SDK1: variants seen among roughly 807,000 people sequenced by gnomAD.
The protein encoded by SDK1 is protein sidekick-1.
SDK1 carries 157 observed loss-of-function variants against 245.5 expected under a neutral mutation model. That is an observed-to-expected ratio of 0.64 (90% CI 0.56 to 0.73). SDK1 has a LOEUF of 0.73. Ranked by LOEUF, SDK1 falls within the 30% of genes least tolerant of loss-of-function variation. The probability of loss-of-function intolerance (pLI) is 0.00; values close to 1 mark genes in which losing one functional copy is unlikely to be tolerated. For synonymous variants in SDK1, 1,647 were observed against 1,278.5 expected (o/e 1.29, Z -6.15); for missense variants, 3,583 against 3,002.3 (o/e 1.19, Z -4.52).
intron 5 of SDK1, among the ~76,000 whole-genome samples, chr7:3,890,307 C>T (rs1359236738): frequency 1.3e-5 from 2 of 152,178 alleles, no homozygotes; most frequent in Admixed American, 6.5e-5. Flanking sequence ...CAAATTGATA[C>T]GTGCTATGTG....
At chr7:4,150,283 G>A (rs1304052231) in intron 30 of SDK1, among the ~76,000 whole-genome samples, 1 of 152,178 alleles carries the variant, frequency 6.6e-6, no homozygotes, top group African/African-American at 2.4e-5. Flanking sequence ...CTTCTCATTG[G>A]CCCAGAGTTT....
intron 1 of SDK1, among the ~76,000 whole-genome samples, chr7:3,615,971 A>G (rs567542320): frequency 6.6e-6 from 1 of 151,768 alleles, no homozygotes; most frequent in South Asian, 2.1e-4. Context: ...TGCAGCCTTG[A>G]CTTCCTTGGG....
At chr7:3,535,302 G>T (rs1258510359) in intron 1 of SDK1, among the ~76,000 whole-genome samples, 1 of 152,052 alleles carries the variant, frequency 6.6e-6, no homozygotes, top group East Asian at 1.9e-4. Context: ...AAACTGTTAG[G>T]CTATAAAGAG....
chr7:4,059,648 C>A (rs1246771341), intron 19 of SDK1, among the ~76,000 whole-genome samples: 1 of 152,212 alleles, frequency 6.6e-6, no homozygotes. Flanking sequence ...ACATTCTTTT[C>A]ATCAGTACAT....
At chr7:4,091,938 A>G (rs1781829758) in intron 22 of SDK1, among the ~76,000 whole-genome samples, 1 of 151,968 alleles carries the variant, frequency 6.6e-6, no homozygotes, top group South Asian at 2.1e-4. Context: ...GGCCTTCATC[A>G]CATTCCATGG....
At chr7:3,899,987 CTG>C (rs1315473172) in intron 5 of SDK1, among the ~76,000 whole-genome samples, 5 of 152,222 alleles carry the variant, frequency 3.3e-5, no homozygotes, top group African/African-American at 1.2e-4. Flanking sequence ...AAAATTCTAA[CTG>C]TGAAATATTT....
At chr7:3,945,929 A>C (rs1273297193) in intron 5 of SDK1, among the ~76,000 whole-genome samples, 1 of 142,770 alleles carries the variant, frequency 7.0e-6, no homozygotes, top group African/African-American at 2.6e-5. Flanking sequence ...AAAAAAAAAA[A>C]AAAAGATAAA....
chr7:3,307,143 C>G (rs531841780), intron 1 of SDK1, among the ~76,000 whole-genome samples: 1 of 152,026 alleles, frequency 6.6e-6, no homozygotes, highest in African/African-American at 2.4e-5. Context: ...CCAAAGTAAC[C>G]GAGCATTTTA....
Position 3,679,337 on chromosome 7 carries a change from C to T in SDK1, c.713+37232C>T, listed in dbSNP as rs62437914. 8.9e-3 allele frequency among the ~76,000 whole-genome samples: 1,358 copies of T among 151,956 alleles called. 9 individuals are homozygous for T. Among genetic ancestry groups the T allele is most frequent in the Middle Eastern group, 0.021 (6 of 292 alleles). ...ATCCCAGCACTTTGGGAGGCCGAGG[C>T]GGGTGGATCACGAGGTCGGGAGATC... On this transcript the variant is annotated intron_variant, in intron 4 of 44. Transcript: ENST00000404826.
At chr7:4,228,642 C>T (rs934739981) in intron 40 of SDK1, among the ~76,000 whole-genome samples, 1 of 152,154 alleles carries the variant, frequency 6.6e-6, no homozygotes, top group Admixed American at 6.5e-5. Context: ...CGGGATCAAG[C>T]GATTCTCCTG....
intron 1 of SDK1, among the ~76,000 whole-genome samples, chr7:3,448,602 C>T (rs932038754): frequency 2.6e-5 from 4 of 151,900 alleles, no homozygotes; most frequent in Non-Finnish European, 5.9e-5. Flanking sequence ...ATATAAATAT[C>T]TTTTAATTCA....
chr7:3,586,237 C>T (rs1236536779), intron 1 of SDK1, among the ~76,000 whole-genome samples: 1 of 151,958 alleles, frequency 6.6e-6, no homozygotes, highest in Non-Finnish European at 1.5e-5. Flanking sequence ...TTAAGTCATA[C>T]AAAATGGGCT....
Position 4,155,425 on chromosome 7 carries a change from C to T in SDK1, c.4626-3023C>T, listed in dbSNP as rs151087487. ...CCTGACACGCACTTATGGCACACCA[C>T]GTGTGCCCGGCTCAGTGCCAGACCC... On this transcript the variant is annotated intron_variant, in intron 30 of 44. Coordinates refer to ENST00000404826, the MANE Select transcript of SDK1 (RefSeq NM_152744.4). Among the ~76,000 whole-genome samples, 23 of 152,322 alleles carry T rather than the reference C, an allele frequency of 1.5e-4. No individual in the cohort carries two copies. The East Asian group carries it at 2.5e-3, about 17-fold the overall frequency.
At chr7:4,097,567 A>C (rs1782234979) in intron 22 of SDK1, among the ~76,000 whole-genome samples, 1 of 152,192 alleles carries the variant, frequency 6.6e-6, no homozygotes, top group African/African-American at 2.4e-5. Flanking sequence ...TCCAACCTTG[A>C]TTGACTTCAC....
In SDK1 at chr7:3,501,961, T is replaced by C. The variant is rs541253262; in HGVS notation, c.299-117119T>C. ...TCCTAGACCAAAGGTGTTTATTCTT[T>C]AGAACTTTATATGTTTGTTTTAACA... On this transcript the variant is annotated intron_variant, in intron 1 of 44. Coordinates refer to ENST00000404826, the MANE Select transcript of SDK1 (RefSeq NM_152744.4). 4.6e-5 allele frequency among the ~76,000 whole-genome samples: 7 copies of C among 152,324 alleles called. No individual in the cohort carries two copies. In the South Asian group the frequency reaches 1.0e-3, roughly 23 times the overall value.
At chr7:4,176,732 T>C (rs2128218490) in intron 34 of SDK1, among the ~76,000 whole-genome samples, 1 of 152,326 alleles carries the variant, frequency 6.6e-6, no homozygotes, top group African/African-American at 2.4e-5. Flanking sequence ...AGGGGAATCA[T>C]GTAGTATTTG....
intron 1 of SDK1, among the ~76,000 whole-genome samples, chr7:3,477,513 T>C (rs1240669342): frequency 3.3e-5 from 5 of 150,894 alleles, no homozygotes; most frequent in Non-Finnish European, 5.9e-5. Flanking sequence ...TTCTTTCTTT[T>C]TTCTTTTTTT....
At chr7:4,197,367 A>T (rs1159753490) in intron 35 of SDK1, among the ~76,000 whole-genome samples, 1 of 152,090 alleles carries the variant, frequency 6.6e-6, no homozygotes, top group African/African-American at 2.4e-5. Context: ...GTATGCCTTT[A>T]GTTCCAGCTA....
At position 4,022,499 on chromosome 7, in the gene SDK1, G is replaced by T. The variant is rs1786978599; in HGVS notation, c.2602+5147G>T. On this transcript the variant is annotated intron_variant, in intron 17 of 44. Coordinates refer to ENST00000404826, the MANE Select transcript of SDK1 (RefSeq NM_152744.4). ...ACTTGCTAGGCTGCCGTCTCAAAGA[G>T]AACTCAGCAGTGACACAGCATATGC... 2.6e-5 allele frequency among the ~76,000 whole-genome samples: 4 copies of T among 152,168 alleles called. No homozygotes were observed. In the South Asian group the frequency reaches 8.3e-4, roughly 32 times the overall value.
Sources: allele counts gnomAD v4.1 joint callset (sites outside exome capture counted in the v4.1 genomes callset), GRCh38; gene constraint gnomAD v4.1.1; transcripts MANE v1.5; gene names NCBI Gene and HGNC (gene_info 2026-07-23, HGNC 2026-07-21).